CSGALNACT1: variants seen among roughly 807,000 people sequenced by gnomAD.
The protein encoded by CSGALNACT1 is beta4GalNAcT-1.
A neutral mutation model predicts 51.0 loss-of-function variants in CSGALNACT1; 52 were observed. The ratio of observed to expected loss-of-function variants is 1.02; its 90% CI spans 0.82 to 1.29. The LOEUF is 1.29. Among genes scored for constraint, CSGALNACT1 ranks in the 50% most tolerant of loss-of-function variants. The pLI, the probability that CSGALNACT1 is intolerant of heterozygous loss-of-function variation, is 0.00. For synonymous variants in CSGALNACT1, 341 were observed against 254.4 expected (o/e 1.34, Z -3.24); for missense variants, 935 against 679.2 (o/e 1.38, Z -4.19).
At chr8:19,729,881 G>T (rs540390377) in intron 1 of CSGALNACT1, among the ~76,000 whole-genome samples, 2 of 152,212 alleles carry the variant, frequency 1.3e-5, no homozygotes, top group Admixed American at 6.5e-5. Flanking sequence ...CTCCTTTACT[G>T]GGGAACTGTC....
intron 4 of CSGALNACT1, among the ~76,000 whole-genome samples, chr8:19,459,608 C>G (rs2064936940): frequency 6.6e-6 from 1 of 152,074 alleles, no homozygotes; most frequent in South Asian, 2.1e-4. Context: ...CTCTAAACAG[C>G]ATGACTCAGG....
At chr8:19,620,430 C>CTTTTTTT (rs35123924) in intron 1 of CSGALNACT1, among the ~76,000 whole-genome samples, 3 of 142,116 alleles carry the variant, frequency 2.1e-5, no homozygotes, top group Non-Finnish European at 1.5e-5. Flanking sequence ...GGAAAAGAAT[C>CTTTTTTT]TTTTTTTTTT....
chr8:19,420,494 G>C, exon 7 of CSGALNACT1: 1 of 1,614,094 alleles, frequency 6.2e-7, no homozygotes, highest in Non-Finnish European at 8.5e-7. Context: ...GCTGGATGAA[G>C]GTAAAGTTCC....
At chr8:19,592,306 A>T (rs536122954) in intron 2 of CSGALNACT1, among the ~76,000 whole-genome samples, 113 of 152,364 alleles carry the variant, frequency 7.4e-4, no homozygotes, top group African/African-American at 2.7e-3. Flanking sequence ...TTGTTATATA[A>T]GAAAATATCC....
intron 1 of CSGALNACT1, among the ~76,000 whole-genome samples, chr8:19,753,919 T>C (rs1271506845): frequency 2.0e-5 from 3 of 152,216 alleles, no homozygotes; most frequent in African/African-American, 7.2e-5. Context: ...ACTAACTTCA[T>C]TCACATTAGA....
intron 1 of CSGALNACT1, among the ~76,000 whole-genome samples, chr8:19,753,734 T>A (rs2065185742): frequency 6.6e-6 from 1 of 152,234 alleles, no homozygotes; most frequent in African/African-American, 2.4e-5. Context: ...ATGGAAAACC[T>A]GAAAATATAA....
chr8:19,528,892 C>T (rs2082222581), intron 3 of CSGALNACT1, among the ~76,000 whole-genome samples: 1 of 152,204 alleles, frequency 6.6e-6, no homozygotes, highest in Non-Finnish European at 1.5e-5. Flanking sequence ...TGGTAGTTCT[C>T]TCTTGAGATG....
At chr8:19,727,291 A>G (rs1304575143) in intron 1 of CSGALNACT1, among the ~76,000 whole-genome samples, 1 of 151,822 alleles carries the variant, frequency 6.6e-6, no homozygotes, top group Admixed American at 6.6e-5. Flanking sequence ...GACAGGCTGC[A>G]CCTAGTAATT....
chr8:19,738,253 GA>G (rs1261189411), intron 1 of CSGALNACT1, among the ~76,000 whole-genome samples: 5 of 152,142 alleles, frequency 3.3e-5, no homozygotes, highest in African/African-American at 1.2e-4. Flanking sequence ...TCCTAATGGG[GA>G]AATAAGAAAG....
intron 1 of CSGALNACT1, among the ~76,000 whole-genome samples, chr8:19,731,770 G>A (rs1322638841): frequency 6.6e-6 from 1 of 152,066 alleles, no homozygotes; most frequent in African/African-American, 2.4e-5. Flanking sequence ...TCCATCTCAG[G>A]CTCTAATTCT....
chr8:19,615,213 G>A (rs1472448841), intron 1 of CSGALNACT1, among the ~76,000 whole-genome samples: 2 of 152,156 alleles, frequency 1.3e-5, no homozygotes, highest in East Asian at 3.9e-4. Context: ...TGAGACAGGA[G>A]AATCAGTTGA....
At chr8:19,691,019 G>C (rs1394139041) in intron 1 of CSGALNACT1, among the ~76,000 whole-genome samples, 8 of 152,194 alleles carry the variant, frequency 5.3e-5, no homozygotes. Context: ...TTGAATCCAG[G>C]AGTTCAAGGC....
intron 1 of CSGALNACT1, among the ~76,000 whole-genome samples, chr8:19,656,094 G>C (rs1325128717): frequency 2.6e-5 from 4 of 152,114 alleles, no homozygotes; most frequent in Non-Finnish European, 5.9e-5. Flanking sequence ...ACAACTCTGG[G>C]AACTCCATTC....
chr8:19,699,024 G>A lies in CSGALNACT1; in HGVS notation c.-297+58826C>T, dbSNP rs549865435. ...AGGCTATGTAAATAATTGTTGCAGT[G>A]TATTGCTTTTTTCTTTTTTTCTTTT... is the stretch of plus-strand genomic sequence containing the variant. On this transcript the variant is annotated intron_variant, in intron 1 of 1. Transcript: ENST00000517494. Among the ~76,000 whole-genome samples the A allele has an allele frequency of 4.6e-5, 7 of 152,176 alleles. No individual in the cohort carries two copies. In the East Asian group the frequency reaches 1.4e-3, roughly 29 times the overall value.
At position 19,734,012 on chromosome 8, in the gene CSGALNACT1, C is replaced by G. The variant is rs546570415; in HGVS notation, c.-297+23838G>C. Among the ~76,000 whole-genome samples the G allele has an allele frequency of 2.6e-5, 4 of 152,302 alleles. No homozygotes were observed. The East Asian group carries it at 7.7e-4, about 29-fold the overall frequency. On this transcript the variant is annotated intron_variant, in intron 1 of 1. Coordinates refer to the CSGALNACT1 transcript ENST00000517494. ...TGGCACACCAGGGAGCCAGGGCTATCTGTTCACCCCCCAACAATGAACGCT... is the reference window on the plus strand; with the variant it reads ...TGGCACACCAGGGAGCCAGGGCTATGTGTTCACCCCCCAACAATGAACGCT...
chr8:19,710,427 G>A (rs1023841988), intron 1 of CSGALNACT1, among the ~76,000 whole-genome samples: 1 of 152,182 alleles, frequency 6.6e-6, no homozygotes. Flanking sequence ...CCTTAACAAC[G>A]CTATGCTTGG....
chr8:19,670,081 C>T (rs1197836402), intron 1 of CSGALNACT1, among the ~76,000 whole-genome samples: 2 of 152,196 alleles, frequency 1.3e-5, no homozygotes, highest in Non-Finnish European at 2.9e-5. Flanking sequence ...TGCCATGTCC[C>T]CTACTCCCTG....
At chr8:19,524,349 G>A (rs78645284) in intron 3 of CSGALNACT1, among the ~76,000 whole-genome samples, 3 of 152,066 alleles carry the variant, frequency 2.0e-5, no homozygotes, top group African/African-American at 4.8e-5. Context: ...CTCCAATTCC[G>A]CTATTAACGA....
At chr8:19,452,282 C>T (rs1040003955) in intron 5 of CSGALNACT1, among the ~76,000 whole-genome samples, 2 of 152,146 alleles carry the variant, frequency 1.3e-5, no homozygotes, top group African/African-American at 4.8e-5. Flanking sequence ...CACAAGAGAC[C>T]TTGGCTTCCA....
Sources: allele counts gnomAD v4.1 joint callset (sites outside exome capture counted in the v4.1 genomes callset), GRCh38; gene constraint gnomAD v4.1.1; transcripts MANE v1.5; gene names NCBI Gene and HGNC (gene_info 2026-07-23, HGNC 2026-07-21).